NT5C2: variants seen among roughly 807,000 people sequenced by gnomAD.
NT5C2 encodes the protein cytosolic purine 5'-nucleotidase.
NT5C2 carries 58 observed loss-of-function variants against 76.1 expected under a neutral mutation model. The ratio of observed to expected loss-of-function variants is 0.76; its 90% CI spans 0.62 to 0.95. The LOEUF (loss-of-function observed/expected upper bound fraction) is 0.95, where lower values mean the gene tolerates loss of function less well. Ranked by LOEUF, NT5C2 falls within the 40% of genes least tolerant of loss-of-function variation. NT5C2 has a pLI of 0.00. For missense variants in NT5C2, 478 were observed against 690.3 expected (o/e 0.69, Z 3.45); for synonymous variants, 229 against 237.4 (o/e 0.96, Z 0.32).
chr10:103,128,080 CCTCTCCCTCT>C (rs988482242), intron 4 of NT5C2, among the ~76,000 whole-genome samples: 6 of 136,498 alleles, frequency 4.4e-5, no homozygotes, highest in Admixed American at 1.4e-4. Flanking sequence ...TCTCCCTCTC[CCTCTCCCTCT>C]GTCTCCCTCT....
At chr10:103,192,684 G>A (rs1436575073) in intron 1 of NT5C2, among the ~76,000 whole-genome samples, 1 of 152,134 alleles carries the variant, frequency 6.6e-6, no homozygotes, top group Non-Finnish European at 1.5e-5. Context: ...CTGCTAAAAC[G>A]CTGTCAACCT....
intron 8 of NT5C2, chr10:103,100,539 A>G (rs1240690557): frequency 2.6e-6 from 1 of 390,600 alleles, no homozygotes; most frequent in Non-Finnish European, 5.1e-6. Flanking sequence ...TATTGGCTAT[A>G]TAATTCTCCC....
chr10:103,145,817 T>C (rs897377060), intron 3 of NT5C2, among the ~76,000 whole-genome samples: 2 of 152,176 alleles, frequency 1.3e-5, no homozygotes, highest in African/African-American at 4.8e-5. Context: ...GCTTTTATTA[T>C]CATATCCCAC....
rs575074273 is a variant in NT5C2, at chr10:103,177,702, T to A, written c.-24-2720A>T. ...AAACCCAGCTAATTATTATTTTTTTTAATTTGTGTACAGACAGGGTCTCAT... is the reference window on the plus strand; with the variant it reads ...AAACCCAGCTAATTATTATTTTTTTAAATTTGTGTACAGACAGGGTCTCAT... On this transcript the variant is annotated intron_variant, in intron 2 of 18. Transcript: ENST00000404739. 3.9e-5 allele frequency among the ~76,000 whole-genome samples: 6 copies of A among 152,320 alleles called. No individual in the cohort carries two copies. In the East Asian group the frequency reaches 9.6e-4, roughly 24 times the overall value.
chr10:103,156,281 G>T, intron 3 of NT5C2, among the ~76,000 whole-genome samples: 1 of 152,214 alleles, frequency 6.6e-6, no homozygotes. Flanking sequence ...TATCAGGAAT[G>T]AAAAGGCCAG....
intron 4 of NT5C2, chr10:103,125,350 G>A (rs1303688435): frequency 1.1e-5 from 4 of 356,490 alleles, no homozygotes; most frequent in South Asian, 5.4e-5. Context: ...AGAACCTGGC[G>A]TTTGCCTGTC....
At chr10:103,097,471 G>A in intron 10 of NT5C2, 97 bp from the exon 11 acceptor site, 2 of 1,011,670 alleles carry the variant, frequency 2.0e-6, no homozygotes, top group Non-Finnish European at 1.5e-6. Flanking sequence ...AACAGGAATG[G>A]GGGAACCTTT....
At chr10:103,132,709 C>T (rs922866016) in intron 4 of NT5C2, among the ~76,000 whole-genome samples, 2 of 152,016 alleles carry the variant, frequency 1.3e-5, no homozygotes, top group African/African-American at 4.8e-5. Flanking sequence ...GCCACCACGC[C>T]CGGCTAATTT....
intron 1 of NT5C2, among the ~76,000 whole-genome samples, chr10:103,187,696 T>C (rs1474679611): frequency 2.0e-5 from 3 of 152,162 alleles, no homozygotes; most frequent in Middle Eastern, 6.3e-3. Context: ...GCTATTTCAA[T>C]CTACACACTA....
intron 4 of NT5C2, among the ~76,000 whole-genome samples, chr10:103,116,587 C>CA (rs2074393405): frequency 7.9e-6 from 1 of 126,228 alleles, no homozygotes. Context: ...TTTTTTTTTT[C>CA]TTTTTTTTTT....
chr10:103,140,279 C>T (rs2080156903), intron 3 of NT5C2: 1 of 152,020 alleles, frequency 6.6e-6, no homozygotes, highest in South Asian at 2.1e-4. Context: ...TTTTAGATTC[C>T]ACATGTGAAA....
chr10:103,192,532 G>T (rs1460910397), intron 1 of NT5C2, among the ~76,000 whole-genome samples: 3 of 152,208 alleles, frequency 2.0e-5, no homozygotes, highest in Non-Finnish European at 4.4e-5. Context: ...AAAAGGAGAA[G>T]AATAGGCCGC....
chr10:103,098,778 C>A (rs2068821532), intron 10 of NT5C2, 153 bp downstream of exon 10: 3 of 609,116 alleles, frequency 4.9e-6, no homozygotes, highest in Non-Finnish European at 8.7e-6. Context: ...GACCTATGCT[C>A]TAGCTGAATA....
At chr10:103,141,647 A>G (rs1327004612) in intron 3 of NT5C2, among the ~76,000 whole-genome samples, 2 of 152,190 alleles carry the variant, frequency 1.3e-5, no homozygotes, top group Non-Finnish European at 2.9e-5. Flanking sequence ...AAATAAGATT[A>G]CTTTTGGGAT....
In NT5C2 at chr10:103,128,977, G is replaced by C. The variant is rs983535981; in HGVS notation, c.175+10429C>G. Among the ~76,000 whole-genome samples, 2 of 111,692 alleles carry C rather than the reference G, an allele frequency of 1.8e-5. 1 individual carries two copies. The highest frequency in any genetic ancestry group is 4.0e-5 in the Non-Finnish European group (2 of 50,554). The allele number at this position is 111,692 out of a possible 152,430, so 73.3% of individuals were successfully genotyped here. ...GCCACCCCGTCCGGGAGGGAGGTAG[G>C]GGGGGGTCAACCCCCCGCCCGGCCA... On this transcript the variant is annotated intron_variant, in intron 4 of 18. Transcript: ENST00000404739.
At chr10:103,172,036 CCT>C (rs1304605700) in intron 3 of NT5C2, among the ~76,000 whole-genome samples, 1 of 151,770 alleles carries the variant, frequency 6.6e-6, no homozygotes, top group South Asian at 2.1e-4. Context: ...ACGGTGAAAC[CCT>C]GTCTCTACTA....
At chr10:103,107,102 T>A (rs542634568) in intron 4 of NT5C2, among the ~76,000 whole-genome samples, 1 of 152,362 alleles carries the variant, frequency 6.6e-6, no homozygotes, top group East Asian at 1.9e-4. Flanking sequence ...GAGGTCTATG[T>A]ATGCTGAAGG....
intron 4 of NT5C2, among the ~76,000 whole-genome samples, chr10:103,123,719 T>C (rs957986120): frequency 1.1e-4 from 17 of 152,144 alleles, no homozygotes; most frequent in Admixed American, 5.2e-4. Flanking sequence ...AAGGAGCTTA[T>C]TGCTGGATTT....
At position 103,142,205 on chromosome 10, in the gene NT5C2, A is replaced by C. The variant is rs765680306; in HGVS notation, c.102-2726T>G. 8.5e-5 allele frequency among the ~76,000 whole-genome samples: 13 copies of C among 152,182 alleles called. No individual in the cohort carries two copies. The South Asian group carries it at 1.0e-3, about 12-fold the overall frequency. ...AGGTTAGTAGGGGTCAAAATCCTGA[A>C]GATTTTGTAAGCCACATTAGGGAAT... On this transcript the variant is annotated intron_variant, in intron 3 of 18. Coordinates refer to ENST00000404739, the MANE Select transcript of NT5C2 (RefSeq NM_001351169.2).
Sources: gnomAD v4.1 joint callset for allele counts (sites outside exome capture counted in the v4.1 genomes callset) on GRCh38, gnomAD v4.1.1 for gene constraint, MANE v1.5 for transcripts, NCBI Gene and HGNC (gene_info 2026-07-23, HGNC 2026-07-21) for gene names.